Variants in BRAP observed in about 807,000 individuals in gnomAD.
BRAP encodes the protein BRCA1-associated protein.
A neutral mutation model predicts 73.4 loss-of-function variants in BRAP; 42 were observed. The observed-to-expected ratio is 0.57, with a 90% CI of 0.45 to 0.74. The LOEUF is 0.74. BRAP is among the 30% of genes least tolerant of loss of function. The probability of loss-of-function intolerance (pLI) is 0.00; values close to 1 mark genes in which losing one functional copy is unlikely to be tolerated. For synonymous variants in BRAP, 255 were observed against 267.4 expected (o/e 0.95, Z 0.45); for missense variants, 593 against 751.4 (o/e 0.79, Z 2.46).
chr12:111,685,667 C>A, intron 1 of BRAP, 44 bp downstream of exon 1: 7 of 1,575,508 alleles, frequency 4.4e-6, no homozygotes, highest in Non-Finnish European at 6.0e-6. Context: ...GCCCTCCGGG[C>A]CCAGACCCGG....
At chr12:111,677,824 C>G (rs1887443172) in intron 4 of BRAP, among the ~76,000 whole-genome samples, 1 of 152,094 alleles carries the variant, frequency 6.6e-6, no homozygotes, top group South Asian at 2.1e-4. Flanking sequence ...TAATTGAAAC[C>G]TTTTAAATGT....
chr12:111,649,841 G>A (rs1373079446), intron 11 of BRAP, 98 bp downstream of exon 11: 1 of 832,184 alleles, frequency 1.2e-6, no homozygotes, highest in Non-Finnish European at 1.9e-6. Context: ...TGAAAACCTG[G>A]TGATACATAT....
chr12:111,679,310 C>G lies in BRAP; in HGVS notation c.474G>C (p.Arg158=). The change falls in exon 4 of 12, where the codon CGG becomes CGC. Residue 158 remains arginine (R), a synonymous_variant. Coordinates refer to ENST00000419234, the MANE Select transcript of BRAP (RefSeq NM_006768.5). ...TGAGAATACACAGCATGGCACTGCG[C>G]CGCACATCTTCTTTTAAGGAGGTCA... The part of the protein sequence containing the change: ...NKMTSLKEDV[R]RSAMLCILTV... 1 of 1,568,106 alleles carries G rather than the reference C, an allele frequency of 6.4e-7. No homozygotes were observed. The highest frequency in any genetic ancestry group is 8.7e-7 in the Non-Finnish European group (1 of 1,155,150).
Position 111,648,613 on chromosome 12 carries a change from G to A in BRAP, c.1415+1326C>T, listed in dbSNP as rs534866699. ...TTGCGCCACTGCACTCCAGCCTGGC[G>A]ACAGAGCAAGACTCTGTCTAAAAAT... On this transcript the variant is annotated intron_variant, in intron 11 of 11. Transcript: ENST00000419234. Among the ~76,000 whole-genome samples, 8 of 136,902 alleles carry A rather than the reference G, an allele frequency of 5.8e-5. No individual in the cohort carries two copies. In the East Asian group the frequency reaches 1.1e-3, roughly 19 times the overall value. The allele number at this position is 136,902 out of a possible 152,430, so 89.8% of individuals were successfully genotyped here. A position where few individuals can be genotyped will look rare whatever the true frequency, so the allele number is the denominator to read the frequency against.
intron 10 of BRAP, among the ~76,000 whole-genome samples, chr12:111,652,797 G>A (rs1886377625): frequency 6.6e-6 from 1 of 151,874 alleles, no homozygotes; most frequent in East Asian, 1.9e-4. Flanking sequence ...TGCAACTTCC[G>A]CCTCCCTGTT....
Position 111,662,892 on chromosome 12 carries a change from A to G in BRAP, c.897-2217T>C, listed in dbSNP as rs540409487. Among the ~76,000 whole-genome samples the G allele has an allele frequency of 2.6e-5, 4 of 151,304 alleles. No individual in the cohort carries two copies. The South Asian group carries it at 8.5e-4, about 32-fold the overall frequency. On this transcript the variant is annotated intron_variant, in intron 6 of 11. Transcript: ENST00000419234. Reference sequence around the variant, plus strand: ...TCCCAGCACTTTGAGAGGCCGAGGCAGGAGGATGGCTTGAAGCCAAGTCTA... The same window carrying G: ...TCCCAGCACTTTGAGAGGCCGAGGCGGGAGGATGGCTTGAAGCCAAGTCTA...
chr12:111,649,324 T>C (rs1886233498), intron 11 of BRAP, among the ~76,000 whole-genome samples: 1 of 152,092 alleles, frequency 6.6e-6, no homozygotes, highest in Non-Finnish European at 1.5e-5. Context: ...AGCTCATTTT[T>C]GTATTTTTAG....
intron 10 of BRAP, 84 bp downstream of exon 10, chr12:111,655,482 T>C: frequency 9.0e-7 from 1 of 1,115,644 alleles, no homozygotes; most frequent in Non-Finnish European, 1.4e-6. Context: ...GATTCCTCTT[T>C]CCCTGTACTC....
rs1266095945 is a variant in BRAP, at chr12:111,665,576, C to G, written c.896+63G>C. ...GAATGGTTCATTTCTGCTGGTGGCT[C>G]TTTTTAATTCTGGAAGGGTTGCAAT... is the stretch of plus-strand genomic sequence containing the variant. On this transcript the variant is annotated intron_variant, in intron 6 of 11. Coordinates refer to ENST00000419234, the MANE Select transcript of BRAP (RefSeq NM_006768.5). This position sits in a 1 kb window ranked among gnomAD's most constrained non-coding sequence, Gnocchi z 4.3. 1 of 1,579,576 alleles carries G rather than the reference C, an allele frequency of 6.3e-7. No homozygotes were observed.
At chr12:111,650,194 G>GA (rs1039596507) in intron 10 of BRAP, 152 bp from the exon 11 acceptor site, 5 of 466,786 alleles carry the variant, frequency 1.1e-5, no homozygotes, top group African/African-American at 8.1e-5. Context: ...CCAGGCAGGG[G>GA]AAAAAAATAA....
Position 111,681,629 on chromosome 12 carries a change from T to G in BRAP, c.443+8A>C. On this transcript the variant is annotated splice_region_variant and intron_variant, in intron 3 of 11. Transcript: ENST00000419234. Reference sequence around the variant, plus strand: ...TGACTAACCCCCAAGAAAAGAGGGTTTTCTTACTTTGTCTTATATAGGTGC... The same window carrying G: ...TGACTAACCCCCAAGAAAAGAGGGTGTTCTTACTTTGTCTTATATAGGTGC... 5.7e-6 allele frequency: 9 copies of G among 1,570,850 alleles called. No individual in the cohort carries two copies. The highest frequency in any genetic ancestry group is 7.8e-6 in the Non-Finnish European group (9 of 1,159,812).
intron 1 of BRAP, 132 bp from the exon 2 acceptor site, chr12:111,683,439 C>A: frequency 9.8e-7 from 1 of 1,018,162 alleles, no homozygotes. Flanking sequence ...TTGTAGTATC[C>A]ATCTCACTCA....
rs752397283 is a variant in BRAP at position 111,665,684 on chromosome 12, T to G, written c.851A>C (p.Asn284Thr). The G allele has an allele frequency of 5.9e-5, 96 of 1,614,024 alleles. No homozygotes were observed. The highest frequency in any genetic ancestry group is 8.1e-5 in the Non-Finnish European group (95 of 1,180,030). ...SVNGILTTLC[N>T]HSFHSQCLQR... ...TAGACACTGGCTGTGGAAGCTGTGG[T>G]TACATAACGTTGTGAGGATGCCATT... is the stretch of plus-strand genomic sequence containing the variant. Residue 284 changes from asparagine to threonine, a missense_variant, in exon 6 of 12, where the codon AAC becomes ACC. By Grantham distance (65) the Asn-to-Thr change is moderately conservative. Coordinates refer to ENST00000419234, the MANE Select transcript of BRAP (RefSeq NM_006768.5). This position sits in a 1 kb window ranked among gnomAD's most constrained non-coding sequence, Gnocchi z 4.3.
intron 10 of BRAP, among the ~76,000 whole-genome samples, chr12:111,654,818 T>C (rs917420019): frequency 1.3e-5 from 2 of 152,276 alleles, no homozygotes; most frequent in East Asian, 1.9e-4. Flanking sequence ...AAAGTAATCA[T>C]TGAGAAATTT....
intron 5 of BRAP, among the ~76,000 whole-genome samples, chr12:111,667,218 G>A (rs1192032912): frequency 1.3e-5 from 2 of 152,160 alleles, no homozygotes; most frequent in Non-Finnish European, 2.9e-5. Context: ...GTGAACAAGT[G>A]TTAGGAATAT....
At chr12:111,676,758 A>T (rs1260600535) in intron 4 of BRAP, among the ~76,000 whole-genome samples, 1 of 152,130 alleles carries the variant, frequency 6.6e-6, no homozygotes, top group African/African-American at 2.4e-5. Context: ...AATGCATGGA[A>T]AGCACTTGGC....
In BRAP at chr12:111,685,918, A is replaced by G; in HGVS notation, c.-126T>C. ...TCAATGCAGTTGCCGCCGCCTCAGC[A>G]GCAGCAGCTCCTCGAACAGCCCTCG... On this transcript the variant is annotated 5_prime_UTR_variant, in exon 1 of 12. Coordinates refer to ENST00000419234, the MANE Select transcript of BRAP (RefSeq NM_006768.5). 1 of 509,990 alleles carries G rather than the reference A, an allele frequency of 2.0e-6. No individual in the cohort carries two copies. The highest frequency in any genetic ancestry group is 4.8e-5 in the South Asian group (1 of 21,050). The allele number at this position is 509,990 out of a possible 1,614,324, so 31.6% of individuals were successfully genotyped here.
chr12:111,674,601 C>T (rs1887307672), intron 4 of BRAP, among the ~76,000 whole-genome samples: 1 of 152,142 alleles, frequency 6.6e-6, no homozygotes, highest in Non-Finnish European at 1.5e-5. Context: ...ATGATCAATT[C>T]TGAATATACT....
chr12:111,660,764 C>A, intron 6 of BRAP, 89 bp from the exon 7 acceptor site: 1 of 1,013,992 alleles, frequency 9.9e-7, no homozygotes, highest in Non-Finnish European at 1.4e-6. Flanking sequence ...GATTTTATAT[C>A]CTCCTCCTCT....
Sources: gnomAD v4.1 joint callset for allele counts (sites outside exome capture counted in the v4.1 genomes callset) on GRCh38, gnomAD v4.1.1 for gene constraint, Gnocchi (gnomAD v3.1) non-coding constraint, MANE v1.5 for transcripts, NCBI Gene and HGNC (gene_info 2026-07-23, HGNC 2026-07-21) for gene names.